The following COL7A1 variants were observed in gnomAD, a reference collection of about 807,000 sequenced individuals.
COL7A1 encodes collagen type VII alpha 1 chain, also known as collagen alpha-1(VII) chain.
COL7A1 carries 296 observed loss-of-function variants against 456.2 expected under a neutral mutation model. That is an observed-to-expected ratio of 0.65 (90% CI 0.59 to 0.71). COL7A1 has a LOEUF of 0.71. Ranked by LOEUF, COL7A1 falls within the 30% of genes least tolerant of loss-of-function variation. The pLI, the probability that COL7A1 is intolerant of heterozygous loss-of-function variation, is 0.00. For missense variants in COL7A1, 3,441 were observed against 4,017.2 expected (o/e 0.86, Z 3.88); for synonymous variants, 1,464 against 1,525.9 (o/e 0.96, Z 0.95).
chr3:48,568,317 A>T lies in COL7A1; in HGVS notation c.7795-147T>A. ...GGGGCTTGCCATGGGGACAAGGGTC[A>T]CCATAGGCAGGGGACACCATCATAG... On this transcript the variant is annotated intron_variant, in intron 105 of 118. Transcript: ENST00000681320. The surrounding 1 kb of genome is among the most constrained non-coding windows in gnomAD (Gnocchi z 5.2). 1 of 1,093,702 alleles carries T rather than the reference A, an allele frequency of 9.1e-7. No individual in the cohort carries two copies. The highest frequency in any genetic ancestry group is 1.5e-5 in the African/African-American group (1 of 64,694). 67.7% of individuals were successfully genotyped at this position (1,093,702 alleles called of 1,614,324 possible). A position where few individuals can be genotyped will look rare whatever the true frequency, so the allele number is the denominator to read the frequency against.
rs1403229127 is a variant in COL7A1, at chr3:48,579,119, C to T, written c.5388+78G>A. 4 of 1,576,328 alleles carry T rather than the reference C, an allele frequency of 2.5e-6. No individual in the cohort carries two copies. The highest frequency in any genetic ancestry group is 1.3e-5 in the African/African-American group (1 of 74,360). On this transcript the variant is annotated intron_variant, in intron 62 of 118. Transcript: ENST00000681320. The surrounding 1 kb of genome is among the most constrained non-coding windows in gnomAD (Gnocchi z 4.4). ...CAGAGCTCGTCAAGGCCAAGACCAA[C>T]CAATGAGGCTGGGGTCTAGGGTCCT...
At chr3:48,577,125 T>C (rs913680501) in intron 65 of COL7A1, 98 bp from the exon 66 acceptor site, 4 of 1,494,454 alleles carry the variant, frequency 2.7e-6, no homozygotes, top group Non-Finnish European at 3.7e-6. Flanking sequence ...TGTATTTCTG[T>C]GCCTGTAGCT....
rs1362283507 is a variant in COL7A1 at position 48,567,169 on chromosome 3, G to A, written c.8068C>T (p.Gln2690Ter). The change falls in exon 110 of 119, where the codon CAG becomes TAG. Residue 2690 changes from glutamine to a stop codon, truncating the protein, a stop_gained. Coordinates refer to ENST00000681320, the MANE Select transcript of COL7A1 (RefSeq NM_000094.4). LOFTEE classifies it high-confidence loss of function. The surrounding 1 kb of genome is among the most constrained non-coding windows in gnomAD (Gnocchi z 4.3). Reference sequence around the variant, plus strand: ...CCCTGGTCACCCTTGGGGCCTGGCTGCCCGTCAAAGCCTCGGTCACCCTGG... The same window carrying A: ...CCCTGGTCACCCTTGGGGCCTGGCTACCCGTCAAAGCCTCGGTCACCCTGG... ...GPKGDRGFDG[Q>*]PGPKGDQGEK... 2 of 1,613,948 alleles carry A rather than the reference G, an allele frequency of 1.2e-6. No individual in the cohort carries two copies. Among genetic ancestry groups the A allele is most frequent in the Non-Finnish European group, 1.7e-6 (2 of 1,179,968 alleles).
rs1442298889 is a variant in COL7A1 at position 48,578,178 on chromosome 3, CTA to C, written c.5532+141_5532+142del. 4.5e-6 allele frequency: 4 copies of C among 881,994 alleles called. No individual in the cohort carries two copies. Among genetic ancestry groups the C allele is most frequent in the Non-Finnish European group, 7.0e-6 (4 of 568,616 alleles). 54.6% of individuals were successfully genotyped at this position (881,994 alleles called of 1,614,324 possible). On this transcript the variant is annotated intron_variant, in intron 65 of 118. Transcript: ENST00000681320. The surrounding 1 kb of genome is among the most constrained non-coding windows in gnomAD (Gnocchi z 4.7). ...AAACTCCATCTCAAAAAAAAAAAAA[CTA>C]TGTTTCTGGATGCATCTGTATGTCT...
Position 48,581,110 on chromosome 3 carries a change from A to T in COL7A1, c.4935+12T>A, listed in dbSNP as rs747509735. On this transcript the variant is annotated intron_variant, in intron 53 of 118. Transcript: ENST00000681320. The surrounding 1 kb of genome is among the most constrained non-coding windows in gnomAD (Gnocchi z 5.8). ...GTAAAGGATCAGAAACCACAGTGGG[A>T]AGGAGTCTCACCGGAGGACCCTCGT... 6.2e-7 allele frequency: 1 copy of T among 1,613,876 alleles called. No individual in the cohort carries two copies. Among genetic ancestry groups the T allele is most frequent in the Middle Eastern group, 1.6e-4 (1 of 6,062 alleles).
At position 48,571,269 on chromosome 3, in the gene COL7A1, C is replaced by T. The variant is rs916512411; in HGVS notation, c.7078G>A (p.Gly2360Arg). 8.7e-6 allele frequency: 14 copies of T among 1,614,028 alleles called. No individual in the cohort carries two copies. The highest frequency in any genetic ancestry group is 1.3e-5 in the African/African-American group (1 of 74,932). Residue 2360 changes from glycine to arginine, a missense_variant, in exon 93 of 119, where the codon GGG (glycine) becomes AGG (arginine). By Grantham distance (125) the Gly-to-Arg change is moderately radical (BLOSUM62 -2). Around this residue, in one of 3 missense-constraint regions of COL7A1, gnomAD observed 2,084 missense variants for 2,501.3 expected, o/e 0.83. Coordinates refer to ENST00000681320, the MANE Select transcript of COL7A1 (RefSeq NM_000094.4). This position sits in a 1 kb window ranked among gnomAD's most constrained non-coding sequence, Gnocchi z 4.6. ...TTGAAACCTTTGGGTCCTGGAGCCCCTTTCTGACCCTAAGAAAACCCAGCA... is the reference window on the plus strand; with the variant it reads ...TTGAAACCTTTGGGTCCTGGAGCCCTTTTCTGACCCTAAGAAAACCCAGCA... ...PGDPGEDGQK[G>R]APGPKGFKGD...
chr3:48,567,523 C>T lies in COL7A1; in HGVS notation c.8046+51G>A. ...ACCCCCATGACCCGACCATGAGCTT[C>T]CCTGCCCCATCCTGACTCCCTGTCA... is the stretch of plus-strand genomic sequence containing the variant. On this transcript the variant is annotated intron_variant, in intron 109 of 118. Transcript: ENST00000681320. The surrounding 1 kb of genome is among the most constrained non-coding windows in gnomAD (Gnocchi z 4.3). The T allele has an allele frequency of 6.2e-7, 1 of 1,612,446 alleles. No individual in the cohort carries two copies. Among genetic ancestry groups the T allele is most frequent in the East Asian group, 2.2e-5 (1 of 44,874 alleles).
rs919818160 is a variant in COL7A1 at position 48,588,584 on chromosome 3, G to C, written c.2587+58C>G. On this transcript the variant is annotated intron_variant, in intron 20 of 118. Transcript: ENST00000681320. This position sits in a 1 kb window ranked among gnomAD's most constrained non-coding sequence, Gnocchi z 4.6. Reference sequence around the variant, plus strand: ...TTTCTCCAATCCAGAGCACAAGCCCGGATCCCCAAACCATCCACACCACCC... The same window carrying C: ...TTTCTCCAATCCAGAGCACAAGCCCCGATCCCCAAACCATCCACACCACCC... 3.1e-6 allele frequency: 5 copies of C among 1,613,008 alleles called. No homozygotes were observed. The East Asian group carries it at 6.7e-5, about 22-fold the overall frequency.
In COL7A1 at chr3:48,564,352, G is replaced by A; in HGVS notation, c.*54C>T. The stretch of plus-strand genomic sequence containing the variant: ...CCAAGGGGAGGGACAGTGGGGTTCT[G>A]CTGAGACCCCGACTCCTCCAGGGGA... On this transcript the variant is annotated 3_prime_UTR_variant, in exon 119 of 119. Coordinates refer to ENST00000681320, the MANE Select transcript of COL7A1 (RefSeq NM_000094.4). This position sits in a 1 kb window ranked among gnomAD's most constrained non-coding sequence, Gnocchi z 6.0. 1.2e-6 allele frequency: 2 copies of A among 1,604,894 alleles called. No homozygotes were observed. Among genetic ancestry groups the A allele is most frequent in the South Asian group, 1.1e-5 (1 of 90,812 alleles).
In COL7A1 at chr3:48,594,645, T is replaced by G; in HGVS notation, c.86-97A>C. 1 of 1,406,810 alleles carries G rather than the reference T, an allele frequency of 7.1e-7. No individual in the cohort carries two copies. Among genetic ancestry groups the G allele is most frequent in the Non-Finnish European group, 9.7e-7 (1 of 1,034,400 alleles). The allele number at this position is 1,406,810 out of a possible 1,614,324, so 87.1% of individuals were successfully genotyped here. A position where few individuals can be genotyped will look rare whatever the true frequency, so the allele number is the denominator to read the frequency against. On this transcript the variant is annotated intron_variant, in intron 2 of 118. Transcript: ENST00000681320. The surrounding 1 kb of genome is among the most constrained non-coding windows in gnomAD (Gnocchi z 5.5). Reference sequence around the variant, plus strand: ...CTGGGACTTGGGATGGTGGGGAGAGTAGGCCTCATCTTATGCAAACCAGGG... The same window carrying G: ...CTGGGACTTGGGATGGTGGGGAGAGGAGGCCTCATCTTATGCAAACCAGGG...
In COL7A1 at chr3:48,565,100, C is replaced by G; in HGVS notation, c.8620+9G>C. ...TCCCCAGACCCCGCTGGCAGCCCCC[C>G]ATTCTCACCATCACTATCCCAAGGA... On this transcript the variant is annotated intron_variant, in intron 117 of 118. Coordinates refer to ENST00000681320, the MANE Select transcript of COL7A1 (RefSeq NM_000094.4). This position sits in a 1 kb window ranked among gnomAD's most constrained non-coding sequence, Gnocchi z 4.5. 1 of 1,613,876 alleles carries G rather than the reference C, an allele frequency of 6.2e-7. No individual in the cohort carries two copies.
chr3:48,569,440 G>T lies in COL7A1; in HGVS notation c.7621C>A (p.Arg2541=). Residue 2541 remains arginine (R), a synonymous_variant, in exon 103 of 119, where the codon CGA becomes AGA. Transcript: ENST00000681320. This position sits in a 1 kb window ranked among gnomAD's most constrained non-coding sequence, Gnocchi z 4.9. ...PRGAKGDMGE[R]GPRGLDGDKG... is the part of the protein sequence containing the mutation. ...TCACCATCCAAGCCCCGAGGCCCTC[G>T]TTCACCCTGGGTTGGTTTGGGTAAG... The T allele has an allele frequency of 6.2e-7, 1 of 1,614,102 alleles. No individual in the cohort carries two copies. Among genetic ancestry groups the T allele is most frequent in the Non-Finnish European group, 8.5e-7 (1 of 1,179,982 alleles).
In COL7A1 at chr3:48,575,160, A is replaced by C. The variant is rs757308020; in HGVS notation, c.6217-34T>G. 1 of 1,613,882 alleles carries C rather than the reference A, an allele frequency of 6.2e-7. No homozygotes were observed. Among genetic ancestry groups the C allele is most frequent in the Admixed American group, 1.7e-5 (1 of 60,010 alleles). ...AACAAGAAAATGGGGTGGCAGCCCC[A>C]GCACAGCCTCCAGACAGCCTGCCCC... On this transcript the variant is annotated intron_variant, in intron 75 of 118. Transcript: ENST00000681320. The surrounding 1 kb of genome is among the most constrained non-coding windows in gnomAD (Gnocchi z 6.3).
Position 48,592,067 on chromosome 3 carries a change from C to T in COL7A1, c.1240+35G>A, listed in dbSNP as rs745399906. The T allele has an allele frequency of 6.2e-6, 10 of 1,614,056 alleles. No individual in the cohort carries two copies. The highest frequency in any genetic ancestry group is 4.5e-5 in the East Asian group (2 of 44,894). ...GCCTCCGGGCCTTGCCCTGCCTGCC[C>T]GTCCCAGCCTGAAGAAAGTGCCCAG... On this transcript the variant is annotated intron_variant, in intron 10 of 118. Transcript: ENST00000681320. The surrounding 1 kb of genome is among the most constrained non-coding windows in gnomAD (Gnocchi z 7.6).
In COL7A1 at chr3:48,582,459, C is replaced by A; in HGVS notation, c.4599+19G>T. On this transcript the variant is annotated intron_variant, in intron 46 of 118. Coordinates refer to ENST00000681320, the MANE Select transcript of COL7A1 (RefSeq NM_000094.4). ...ACATCCCTAGTACCAGACAGTGCCA[C>A]CCCCAGCCGAGGACCCACCTTCTCT... 1 of 1,614,148 alleles carries A rather than the reference C, an allele frequency of 6.2e-7. No homozygotes were observed. The highest frequency in any genetic ancestry group is 8.5e-7 in the Non-Finnish European group (1 of 1,180,032).
chr3:48,592,648 G>A lies in COL7A1; in HGVS notation c.898C>T (p.Leu300=). ...TSVRLRGLRP[L]TEYQVTVIAL... is the part of the protein sequence containing the mutation. Reference sequence around the variant, plus strand: ...ATCACAGTCACTTGGTACTCGGTCAGTGGCCGGAGACCCCGCAGCCGCACA... The same window carrying A: ...ATCACAGTCACTTGGTACTCGGTCAATGGCCGGAGACCCCGCAGCCGCACA... The change falls in exon 8 of 119, where the codon CTG becomes TTG. Residue 300 remains leucine, a synonymous_variant. Coordinates refer to ENST00000681320, the MANE Select transcript of COL7A1 (RefSeq NM_000094.4). The surrounding 1 kb of genome is among the most constrained non-coding windows in gnomAD (Gnocchi z 7.6). 1 of 1,613,952 alleles carries A rather than the reference G, an allele frequency of 6.2e-7. No homozygotes were observed. Among genetic ancestry groups the A allele is most frequent in the Non-Finnish European group, 8.5e-7 (1 of 1,180,018 alleles).
At position 48,585,619 on chromosome 3, in the gene COL7A1, C is replaced by G. The variant is rs780281438; in HGVS notation, c.3832G>C (p.Gly1278Arg). ...TGGGGGCCGGGAGCACCGGTCCTGC[C>G]CTGAAAGAAGATAGCAGTTAGGTGG... The part of the protein sequence containing the change: ...VGPPGDPGLP[G>R]RTGAPGPQGP... Residue 1278 changes from glycine to arginine, a missense_variant and splice_region_variant, in exon 32 of 119, where the codon GGC (glycine) becomes CGC (arginine). This residue lies in a region of COL7A1 where 2,084 missense variants were observed against 2,501.3 expected (regional missense o/e 0.83). Transcript: ENST00000681320. The surrounding 1 kb of genome is among the most constrained non-coding windows in gnomAD (Gnocchi z 4.5). 6.2e-7 allele frequency: 1 copy of G among 1,614,032 alleles called. No homozygotes were observed. Among genetic ancestry groups the G allele is most frequent in the Non-Finnish European group, 8.5e-7 (1 of 1,180,022 alleles).
Position 48,585,820 on chromosome 3 carries a change from G to A in COL7A1, c.3786+10C>T, listed in dbSNP as rs1046501665. On this transcript the variant is annotated intron_variant, in intron 30 of 118. Coordinates refer to ENST00000681320, the MANE Select transcript of COL7A1 (RefSeq NM_000094.4). The surrounding 1 kb of genome is among the most constrained non-coding windows in gnomAD (Gnocchi z 4.5). ...CCCATTCTCTATTCCCCGCCCGCAG[G>A]GGCACTCACCATCTCTCCAGGTTCC... is the stretch of plus-strand genomic sequence containing the variant. The A allele has an allele frequency of 1.2e-6, 2 of 1,613,942 alleles. No homozygotes were observed. Among genetic ancestry groups the A allele is most frequent in the Non-Finnish European group, 1.7e-6 (2 of 1,180,010 alleles).
chr3:48,565,376 C>A lies in COL7A1; in HGVS notation c.8527+34G>T, dbSNP rs1165115674. Reference sequence around the variant, plus strand: ...CACCCATGTGCGTGTCTCGGCCCCACCCATAGCTGCCCCACGGGTTCAGCT... The same window carrying A: ...CACCCATGTGCGTGTCTCGGCCCCAACCATAGCTGCCCCACGGGTTCAGCT... On this transcript the variant is annotated intron_variant, in intron 116 of 118. Transcript: ENST00000681320. The surrounding 1 kb of genome is among the most constrained non-coding windows in gnomAD (Gnocchi z 4.5). The A allele has an allele frequency of 2.5e-6, 4 of 1,581,440 alleles. No individual in the cohort carries two copies. Among genetic ancestry groups the A allele is most frequent in the Non-Finnish European group, 3.4e-6 (4 of 1,163,208 alleles).
Sources: gnomAD v4.1 joint callset for allele counts on GRCh38, gnomAD v4.1.1 for gene constraint, gnomAD v4.1.1 regional missense constraint, Gnocchi (gnomAD v3.1) non-coding constraint, MANE v1.5 for transcripts, NCBI Gene and HGNC (gene_info 2026-07-23, HGNC 2026-07-21) for gene names.